COL15A1: variants seen among roughly 807,000 people sequenced by gnomAD.
COL15A1 encodes collagen type XV alpha 1 chain, also known as collagen alpha-1(XV) chain.
In COL15A1, 111 loss-of-function variants were observed where a neutral mutation model predicts 165.9. The ratio of observed to expected loss-of-function variants is 0.67; its 90% CI spans 0.57 to 0.78. COL15A1 has a LOEUF of 0.78. COL15A1 is among the 30% of genes least tolerant of loss of function. The probability of loss-of-function intolerance (pLI) is 0.00; values close to 1 mark genes in which losing one functional copy is unlikely to be tolerated. For missense variants in COL15A1, 1,745 were observed against 1,789.7 expected, an observed-to-expected ratio of 0.98 and a Z score of 0.45; for synonymous variants, 659 against 674.8, an observed-to-expected ratio of 0.98 and a Z score of 0.36.
At chr9:98,978,286 C>T (rs1008853960) in intron 2 of COL15A1, among the ~76,000 whole-genome samples, 2 of 152,218 alleles carry the variant, frequency 1.3e-5, no homozygotes, top group African/African-American at 4.8e-5. Flanking sequence ...AATGAGCTTT[C>T]TGAGTGGGAG....
intron 2 of COL15A1, among the ~76,000 whole-genome samples, chr9:98,968,297 A>G (rs1837989647): frequency 6.6e-6 from 1 of 152,238 alleles, no homozygotes; most frequent in Non-Finnish European, 1.5e-5. Flanking sequence ...TGCGGTAACA[A>G]ACGACCACAA....
At chr9:99,005,753 A>T (rs894959915) in intron 9 of COL15A1, among the ~76,000 whole-genome samples, 7 of 152,064 alleles carry the variant, frequency 4.6e-5, no homozygotes, top group African/African-American at 1.7e-4. Context: ...GTCCTCCTCC[A>T]ATGCTGGCCC....
intron 4 of COL15A1, among the ~76,000 whole-genome samples, chr9:98,988,237 G>C (rs920686860): frequency 6.6e-6 from 1 of 152,218 alleles, no homozygotes; most frequent in Non-Finnish European, 1.5e-5. Context: ...CTGAGAGGTG[G>C]AATTTGGGCC....
chr9:98,951,235 AC>A (rs1837682565), intron 2 of COL15A1, among the ~76,000 whole-genome samples: 1 of 152,240 alleles, frequency 6.6e-6, no homozygotes, highest in Non-Finnish European at 1.5e-5. Context: ...ACATCTTCAG[AC>A]AAATGGCCTT....
rs114329147 is a variant in COL15A1 at position 99,031,176 on chromosome 9, C to T, written c.2044-3373C>T. ...TGGAGACCTTATGGAGGGCTTTGCT[C>T]GCAGAAATTCCTTGCCACTCCAGCC... On this transcript the variant is annotated intron_variant, in intron 16 of 41. Transcript: ENST00000375001. 4.6e-3 allele frequency among the ~76,000 whole-genome samples: 697 copies of T among 152,262 alleles called. 7 individuals carry two copies. Among genetic ancestry groups the T allele is most frequent in the African/African-American group, 0.016 (667 of 41,552 alleles).
intron 2 of COL15A1, among the ~76,000 whole-genome samples, chr9:98,952,377 T>C (rs1037491899): frequency 3.3e-5 from 5 of 152,236 alleles, no homozygotes; most frequent in African/African-American, 1.2e-4. Context: ...ATCTTTCTTA[T>C]TATATTAATT....
At chr9:99,024,349 C>T (rs930531382) in intron 14 of COL15A1, among the ~76,000 whole-genome samples, 7 of 144,852 alleles carry the variant, frequency 4.8e-5, no homozygotes, top group African/African-American at 8.0e-5. Context: ...GGCGCGGTCT[C>T]GGCTCACTGC....
At chr9:98,960,456 C>T (rs1837847801) in intron 2 of COL15A1, among the ~76,000 whole-genome samples, 1 of 152,156 alleles carries the variant, frequency 6.6e-6, no homozygotes, top group Admixed American at 6.5e-5. Context: ...AATCCTGCCT[C>T]AGACCCACAA....
chr9:99,023,532 A>G (rs1008744305), intron 14 of COL15A1, 83 bp downstream of exon 14: 1 of 695,798 alleles, frequency 1.4e-6, no homozygotes, highest in Admixed American at 2.4e-5. Flanking sequence ...GGCCAGGGAC[A>G]GATGAAACTG....
intron 22 of COL15A1, 32 bp from the exon 23 acceptor site, chr9:99,040,489 A>G (rs1270652251): frequency 3.5e-5 from 56 of 1,613,834 alleles, no homozygotes; most frequent in Non-Finnish European, 4.3e-5. Context: ...GCCGCTCCTA[A>G]TCCAGCGTGC....
chr9:99,054,631 C>T lies in COL15A1; in HGVS notation c.3006C>T (p.Gly1002=), dbSNP rs767907771. ...WGLPGSKGEK[G]DQGAQGPPGP... is the part of the protein sequence containing the mutation. Reference sequence around the variant, plus strand: ...TTCCTGGCTCAAAGGGAGAAAAAGGCGACCAGGGAGCCCAGGGACCACCAG... The same window carrying T: ...TTCCTGGCTCAAAGGGAGAAAAAGGTGACCAGGGAGCCCAGGGACCACCAG... Residue 1002 remains glycine, a synonymous_variant, in exon 32 of 42, where the codon GGC becomes GGT. Coordinates refer to ENST00000375001, the MANE Select transcript of COL15A1 (RefSeq NM_001855.5). 2.4e-5 allele frequency: 38 copies of T among 1,612,698 alleles called. No homozygotes were observed. Among genetic ancestry groups the T allele is most frequent in the African/African-American group, 8.0e-5 (6 of 74,726 alleles).
intron 31 of COL15A1, 56 bp downstream of exon 31, chr9:99,052,489 G>T (rs368182525): frequency 7.0e-7 from 1 of 1,430,932 alleles, no homozygotes; most frequent in Middle Eastern, 1.8e-4. Flanking sequence ...TGAGGAAGAT[G>T]GTTTTCCTTT....
rs745974731 is a variant in COL15A1, at chr9:99,055,334, T to C, written c.3154T>C (p.Ser1052Pro). The C allele has an allele frequency of 1.2e-6, 2 of 1,613,794 alleles. No individual in the cohort carries two copies. The highest frequency in any genetic ancestry group is 1.7e-6 in the Non-Finnish European group (2 of 1,179,686). The change falls in exon 34 of 42, where the codon TCT (serine) becomes CCT (proline). Residue 1052 changes from serine to proline, a missense_variant. Coordinates refer to ENST00000375001, the MANE Select transcript of COL15A1 (RefSeq NM_001855.5). ...KGDINGSFLMSGPPGLPGNPG... is the reference protein window; with the variant it reads ...KGDINGSFLMPGPPGLPGNPG... Reference sequence around the variant, plus strand: ...AGACATTAATGGCAGCTTCCTTATGTCTGGGCCTCCAGGCCTGCCCGGAAA... The same window carrying C: ...AGACATTAATGGCAGCTTCCTTATGCCTGGGCCTCCAGGCCTGCCCGGAAA...
intron 4 of COL15A1, among the ~76,000 whole-genome samples, chr9:98,988,586 C>T (rs1838357338): frequency 6.6e-6 from 1 of 152,100 alleles, no homozygotes; most frequent in South Asian, 2.1e-4. Flanking sequence ...AGTGAGAAAT[C>T]ATTGTGTATT....
intron 5 of COL15A1, among the ~76,000 whole-genome samples, chr9:98,989,879 G>A (rs1446043660): frequency 2.0e-5 from 3 of 152,228 alleles, no homozygotes; most frequent in Admixed American, 1.3e-4. Flanking sequence ...CTGTGGCTGA[G>A]ACATGGAAGT....
At position 99,067,275 on chromosome 9, in the gene COL15A1, G is replaced by C. The variant is rs80328464; in HGVS notation, c.3837+208G>C. On this transcript the variant is annotated intron_variant, in intron 40 of 41. Transcript: ENST00000375001. ...GTGACCCTTGGAGCATGCAGGAGGA[G>C]AGATAGTGATAACTTCTTTCATTGA... Among the ~76,000 whole-genome samples the C allele has an allele frequency of 7.8e-3, 1,182 of 152,304 alleles. 12 individuals are homozygous for C. Among genetic ancestry groups the C allele is most frequent in the African/African-American group, 0.024 (1,011 of 41,562 alleles).
intron 2 of COL15A1, 51 bp downstream of exon 2, chr9:98,944,301 G>C: frequency 6.3e-7 from 1 of 1,575,014 alleles, no homozygotes; most frequent in African/African-American, 1.3e-5. Flanking sequence ...GCCCGTGGGG[G>C]AAGTCGGTTT....
intron 14 of COL15A1, among the ~76,000 whole-genome samples, chr9:99,023,998 A>G (rs1839070137): frequency 6.6e-6 from 1 of 152,072 alleles, no homozygotes; most frequent in Admixed American, 6.5e-5. Flanking sequence ...CCTTTCTGAA[A>G]TTGCCCCCTG....
In COL15A1 at chr9:99,003,462, G is replaced by T. The variant is rs1341399893; in HGVS notation, c.1075G>T (p.Ala359Ser). The T allele has an allele frequency of 6.6e-7, 1 of 1,510,874 alleles. No individual in the cohort carries two copies. Among genetic ancestry groups the T allele is most frequent in the Admixed American group, 2.2e-5 (1 of 45,200 alleles). 93.6% of individuals were successfully genotyped at this position (1,510,874 alleles called of 1,614,324 possible). ...LDIAEEKNLA[A>S]TAAGLAEVPI... is the part of the protein sequence containing the mutation. ...ATGCCTTTGTTTTCAGAATTTAGCA[G>T]CAACAGCAGCGGGGCTGGCCGAGGT... Residue 359 changes from alanine to serine, a missense_variant, in exon 8 of 42, where the codon GCA (alanine) becomes TCA (serine). Physicochemically the swap from Ala to Ser is moderately conservative, Grantham distance 99 (BLOSUM62 1). Transcript: ENST00000375001.
Sources: allele counts gnomAD v4.1 joint callset (sites outside exome capture counted in the v4.1 genomes callset), GRCh38; gene constraint gnomAD v4.1.1; transcripts MANE v1.5; gene names NCBI Gene and HGNC (gene_info 2026-07-23, HGNC 2026-07-21).